EMCN: variants seen among roughly 807,000 people sequenced by gnomAD.
EMCN encodes MUC-14.
EMCN carries 37 observed loss-of-function variants against 38.4 expected under a neutral mutation model. That is an observed-to-expected ratio of 0.96 (90% confidence interval 0.74 to 1.27). The LOEUF is 1.27. Among genes scored for constraint, EMCN ranks in the 50% most tolerant of loss-of-function variants. The probability of loss-of-function intolerance (pLI) is 0.00; values close to 1 mark genes in which losing one functional copy is unlikely to be tolerated. For synonymous variants in EMCN, 95 were observed against 100.8 expected (o/e 0.94, Z 0.35); for missense variants, 318 against 302.8 (o/e 1.05, Z -0.37).
At chr4:100,430,099 G>C (rs980558285) in intron 5 of EMCN, among the ~76,000 whole-genome samples, 1 of 152,016 alleles carries the variant, frequency 6.6e-6, no homozygotes, top group Non-Finnish European at 1.5e-5. Context: ...ACATTAAAAA[G>C]GATTTTATTT....
Position 100,421,365 on chromosome 4 carries a change from G to C in EMCN, c.581C>G (p.Pro194Arg). The change falls in exon 8 of 12, where the codon CCG becomes CGG. Residue 194 changes from proline to arginine, a missense_variant. Pro to Arg is a moderately radical substitution (Grantham distance 103). Transcript: ENST00000296420. Reference sequence around the variant, plus strand: ...TATTACAATCAAAGCAATAACCACCGGCAAAATAATACCTAAAAAGAATTG... The same window carrying C: ...TATTACAATCAAAGCAATAACCACCCGCAAAATAATACCTAAAAAGAATTG... Reference protein sequence around the residue: ...TSRSYSSIILPVVIALIVITL... With the variant: ...TSRSYSSIILRVVIALIVITL... 1 of 1,611,938 alleles carries C rather than the reference G, an allele frequency of 6.2e-7. No individual in the cohort carries two copies. Among genetic ancestry groups the C allele is most frequent in the Non-Finnish European group, 8.5e-7 (1 of 1,178,594 alleles).
chr4:100,477,590 G>A (rs1010228187), intron 2 of EMCN, among the ~76,000 whole-genome samples: 4 of 152,210 alleles, frequency 2.6e-5, no homozygotes, highest in Admixed American at 1.3e-4. Flanking sequence ...AAAATAAATT[G>A]TATGTGATTT....
intron 11 of EMCN, among the ~76,000 whole-genome samples, chr4:100,401,338 A>G (rs931403761): frequency 1.3e-5 from 2 of 152,316 alleles, no homozygotes; most frequent in Admixed American, 6.5e-5. Context: ...TTTATATAGC[A>G]TTTACCTTGT....
chr4:100,512,431 G>A (rs1224076508), intron 1 of EMCN, among the ~76,000 whole-genome samples: 1 of 152,098 alleles, frequency 6.6e-6, no homozygotes, highest in Non-Finnish European at 1.5e-5. Context: ...GGTACTGTTA[G>A]CCTAAGCTAA....
chr4:100,441,906 C>T (rs1727530998), intron 5 of EMCN, among the ~76,000 whole-genome samples: 1 of 152,078 alleles, frequency 6.6e-6, no homozygotes, highest in Non-Finnish European at 1.5e-5. Context: ...GCTAGAGATA[C>T]ACATGATTTA....
chr4:100,507,235 C>T (rs914900413), intron 1 of EMCN, among the ~76,000 whole-genome samples: 7 of 152,208 alleles, frequency 4.6e-5, no homozygotes, highest in East Asian at 1.9e-4. Context: ...AGATGAAGGG[C>T]GCCTCTTTGC....
intron 11 of EMCN, among the ~76,000 whole-genome samples, chr4:100,409,963 G>A (rs902122127): frequency 1.3e-5 from 2 of 152,206 alleles, no homozygotes; most frequent in African/African-American, 4.8e-5. Context: ...CTGTCTAAGT[G>A]CCACAGTTAG....
intron 1 of EMCN, among the ~76,000 whole-genome samples, chr4:100,490,288 T>C (rs1729045208): frequency 6.6e-6 from 1 of 152,048 alleles, no homozygotes; most frequent in African/African-American, 2.4e-5. Context: ...TAAGTGTTAT[T>C]ACAAAAGACT....
At chr4:100,512,655 A>G (rs1327276482) in intron 1 of EMCN, among the ~76,000 whole-genome samples, 3 of 151,896 alleles carry the variant, frequency 2.0e-5, no homozygotes, top group African/African-American at 7.3e-5. Context: ...AAATAAAAAA[A>G]TTTAGCTGGG....
chr4:100,487,108 T>C, intron 1 of EMCN: 7 of 713,540 alleles, frequency 9.8e-6, no homozygotes, highest in Non-Finnish European at 1.0e-5. Context: ...TTGGCAATGC[T>C]CCTTGGCCTT....
chr4:100,500,294 T>C (rs1729315588), intron 1 of EMCN, among the ~76,000 whole-genome samples: 1 of 152,168 alleles, frequency 6.6e-6, no homozygotes, highest in Admixed American at 6.5e-5. Flanking sequence ...CCTGCTTCAA[T>C]TTAAAATTCT....
In EMCN at chr4:100,412,900, G is replaced by A. The variant is rs193226323; in HGVS notation, c.752-2545C>T. ...TTCCATGACCTAACTGAAAAAGAGG[G>A]ATTTGGGTCAAAGAACTCTCTTCCC... On this transcript the variant is annotated intron_variant, in intron 10 of 11. Coordinates refer to ENST00000296420, the MANE Select transcript of EMCN (RefSeq NM_016242.4). 1.2e-3 allele frequency among the ~76,000 whole-genome samples: 150 copies of A among 125,972 alleles called. 1 individual carries two copies. The highest frequency in any genetic ancestry group is 0.01 in the Middle Eastern group (3 of 288). The allele number at this position is 125,972 out of a possible 152,430, so 82.6% of individuals were successfully genotyped here.
chr4:100,492,080 AAT>A (rs1164368198), intron 1 of EMCN, among the ~76,000 whole-genome samples: 1 of 152,224 alleles, frequency 6.6e-6, no homozygotes, highest in Admixed American at 6.5e-5. Flanking sequence ...TGACAGGAAA[AAT>A]ATCAGAGTAA....
At chr4:100,514,852 T>C (rs1311717383) in intron 1 of EMCN, among the ~76,000 whole-genome samples, 2 of 152,128 alleles carry the variant, frequency 1.3e-5, no homozygotes, top group African/African-American at 2.4e-5. Flanking sequence ...TTGTAAATTT[T>C]CTATGTCATT....
chr4:100,431,182 G>A (rs1257272075), intron 5 of EMCN, among the ~76,000 whole-genome samples: 1 of 152,082 alleles, frequency 6.6e-6, no homozygotes, highest in Admixed American at 6.6e-5. Context: ...TCTATCAGAT[G>A]TAATGACCAC....
At chr4:100,494,382 C>G (rs1487172705) in intron 1 of EMCN, among the ~76,000 whole-genome samples, 1 of 152,124 alleles carries the variant, frequency 6.6e-6, no homozygotes, top group East Asian at 1.9e-4. Context: ...TAATAGGCAA[C>G]AGACACAGTT....
At chr4:100,456,550 T>A (rs1166407696) in intron 4 of EMCN, among the ~76,000 whole-genome samples, 1 of 152,212 alleles carries the variant, frequency 6.6e-6, no homozygotes, top group Non-Finnish European at 1.5e-5. Context: ...GTTCAAACTA[T>A]TTGCTGATTG....
chr4:100,485,384 T>A (rs1201273303), intron 1 of EMCN, among the ~76,000 whole-genome samples: 1 of 152,096 alleles, frequency 6.6e-6, no homozygotes, highest in African/African-American at 2.4e-5. Flanking sequence ...TCACAGTATA[T>A]CATGAACAAA....
At chr4:100,439,179 A>G (rs1727438610) in intron 5 of EMCN, among the ~76,000 whole-genome samples, 1 of 152,010 alleles carries the variant, frequency 6.6e-6, no homozygotes, top group African/African-American at 2.4e-5. Context: ...AGAGTTTAAG[A>G]AGTATCATTA....
Sources: gnomAD v4.1 joint callset for allele counts (sites outside exome capture counted in the v4.1 genomes callset) on GRCh38, gnomAD v4.1.1 for gene constraint, MANE v1.5 for transcripts, NCBI Gene and HGNC (gene_info 2026-07-23, HGNC 2026-07-21) for gene names.